Variants in LYZL2 observed in about 807,000 individuals in gnomAD.
LYZL2 encodes the protein lysozyme-like protein 2.
In LYZL2, 13 loss-of-function variants were observed where a neutral mutation model predicts 17.1. The ratio of observed to expected loss-of-function variants is 0.76; its 90% CI spans 0.49 to 1.21. The LOEUF is 1.21. Among genes scored for constraint, LYZL2 ranks in the 50% most tolerant of loss-of-function variants. The pLI is 0.00. For missense variants in LYZL2, 166 were observed against 189.2 expected (o/e 0.88, Z 0.72); for synonymous variants, 63 against 74.4 (o/e 0.85, Z 0.79).
chr10:30,612,141 A>C, intron 4 of LYZL2, 117 bp from the exon 5 acceptor site: 1 of 1,265,448 alleles, frequency 7.9e-7, no homozygotes, highest in Non-Finnish European at 1.1e-6. Flanking sequence ...GTTGGGTTTC[A>C]TTTGCTTCTG....
At chr10:30,622,383 A>G (rs566150317) in intron 3 of LYZL2, among the ~76,000 whole-genome samples, 3 of 123,986 alleles carry the variant, frequency 2.4e-5, no homozygotes, top group African/African-American at 1.1e-4. Context: ...CATCTCTACT[A>G]AAAAAAATAC....
At chr10:30,620,095 A>G (rs755383786) in intron 3 of LYZL2, among the ~76,000 whole-genome samples, 12 of 152,234 alleles carry the variant, frequency 7.9e-5, no homozygotes, top group Non-Finnish European at 1.6e-4. Flanking sequence ...ATCGTTTAGA[A>G]TTTCCTCAAG....
intron 3 of LYZL2, among the ~76,000 whole-genome samples, chr10:30,623,965 T>C (rs60459078): frequency 0.19 from 29,075 of 152,116 alleles, 2,976 homozygotes; most frequent in African/African-American, 0.27. Flanking sequence ...AAAAGCTCAT[T>C]CTGGGATCAT....
intron 3 of LYZL2, among the ~76,000 whole-genome samples, chr10:30,618,230 C>T (rs1307433242): frequency 2.0e-5 from 3 of 152,098 alleles, no homozygotes; most frequent in South Asian, 4.1e-4. Flanking sequence ...GAATCAATAT[C>T]GTGAAAATGG....
At chr10:30,608,576 C>A (rs574542193), downstream of LYZL2, among the ~76,000 whole-genome samples, 1 of 152,128 alleles carries the variant, frequency 6.6e-6, no homozygotes, top group Admixed American at 6.5e-5. Flanking sequence ...TTCTGAAGAT[C>A]CCCGCAGGGC....
chr10:30,611,717 A>AGAAAGAAAGAAAGAAAGAAAGAAC, downstream of LYZL2: 1 of 428,784 alleles, frequency 2.3e-6, no homozygotes, highest in Non-Finnish European at 3.8e-6. Flanking sequence ...AAAGAAAGAA[A>AGAAAGAAAGAAAGAAAGAAAGAAC]GAAAGAAAAG....
chr10:30,626,969 C>G, intron 1 of LYZL2, 29 bp from the exon 2 acceptor site: 1 of 1,430,128 alleles, frequency 7.0e-7, no homozygotes, highest in Non-Finnish European at 9.5e-7. Flanking sequence ...ACAGGTCAGA[C>G]GATCTTGATT....
intron 1 of LYZL2, among the ~76,000 whole-genome samples, chr10:30,628,228 T>C (rs1376291115): frequency 6.6e-6 from 1 of 152,226 alleles, no homozygotes; most frequent in Non-Finnish European, 1.5e-5. Context: ...TCTTTCCTTT[T>C]CTTTTCTTGA....
rs370515398 is a variant in LYZL2, at chr10:30,623,807, G to A, written c.298+2298C>T. 2.0e-4 allele frequency among the ~76,000 whole-genome samples: 31 copies of A among 152,190 alleles called. 1 individual carries two copies. The highest frequency in any genetic ancestry group is 6.0e-4 in the African/African-American group (25 of 41,526). ...ATAAAGTGGACAATAAGTGTAATGC[G>A]CTTGAATCATCCTGAAACCATCCTC... On this transcript the variant is annotated intron_variant, in intron 3 of 4. Coordinates refer to ENST00000647634, the MANE Select transcript of LYZL2 (RefSeq NM_183058.3).
intron 3 of LYZL2, among the ~76,000 whole-genome samples, chr10:30,623,225 AG>A (rs1407174458): frequency 7.9e-5 from 12 of 152,270 alleles, no homozygotes; most frequent in Admixed American, 2.0e-4. Context: ...CTCACCGTAT[AG>A]TAGAACAAGT....
intron 3 of LYZL2, among the ~76,000 whole-genome samples, chr10:30,615,738 A>T (rs985608407): frequency 6.6e-6 from 1 of 152,260 alleles, no homozygotes; most frequent in Non-Finnish European, 1.5e-5. Context: ...ATTAATTAAC[A>T]TTAAAGACAA....
At chr10:30,619,593 C>T (rs908058951) in intron 3 of LYZL2, among the ~76,000 whole-genome samples, 8 of 151,090 alleles carry the variant, frequency 5.3e-5, no homozygotes, top group Middle Eastern at 3.4e-3. Context: ...AACCAAACAC[C>T]GCATGTTCTC....
downstream of LYZL2, among the ~76,000 whole-genome samples, chr10:30,610,419 C>G (rs1473442221): frequency 6.6e-6 from 1 of 152,150 alleles, no homozygotes; most frequent in Admixed American, 6.5e-5. Context: ...TGGAAACCAT[C>G]ATCCTCAGCA....
chr10:30,619,521 T>C (rs1423826055), intron 3 of LYZL2, among the ~76,000 whole-genome samples: 1 of 152,072 alleles, frequency 6.6e-6, no homozygotes, highest in African/African-American at 2.4e-5. Context: ...GTTCATGTCC[T>C]TTGTAGGGAC....
downstream of LYZL2, among the ~76,000 whole-genome samples, chr10:30,609,999 T>A (rs1389987678): frequency 6.6e-6 from 1 of 152,202 alleles, no homozygotes; most frequent in Non-Finnish European, 1.5e-5. Context: ...AAGCACTTAT[T>A]TTTGGAGTCA....
At chr10:30,610,009 A>T (rs776508333), downstream of LYZL2, among the ~76,000 whole-genome samples, 53 of 152,192 alleles carry the variant, frequency 3.5e-4, no homozygotes, top group Non-Finnish European at 6.2e-4. Context: ...TTTTGGAGTC[A>T]GTTTTCCAAT....
At chr10:30,618,269 C>A (rs1045001169) in intron 3 of LYZL2, among the ~76,000 whole-genome samples, 1 of 152,156 alleles carries the variant, frequency 6.6e-6, no homozygotes, top group African/African-American at 2.4e-5. Context: ...TTTATAGATT[C>A]AATGCCATCC....
downstream of LYZL2, among the ~76,000 whole-genome samples, chr10:30,611,185 G>A (rs1838427708): frequency 2.6e-5 from 4 of 152,228 alleles, no homozygotes; most frequent in South Asian, 8.3e-4. Context: ...CATTTTGGAG[G>A]CAATTTTTCA....
chr10:30,625,227 G>A (rs1838684126), intron 3 of LYZL2, among the ~76,000 whole-genome samples: 1 of 152,124 alleles, frequency 6.6e-6, no homozygotes, highest in Non-Finnish European at 1.5e-5. Context: ...ACAAGTTTGT[G>A]GTAATTTTTT....
Sources: gnomAD v4.1 joint callset for allele counts (sites outside exome capture counted in the v4.1 genomes callset) on GRCh38, gnomAD v4.1.1 for gene constraint, MANE v1.5 for transcripts, NCBI Gene and HGNC (gene_info 2026-07-23, HGNC 2026-07-21) for gene names.